Variants in SYNE1 observed in about 807,000 individuals in gnomAD.
SYNE1 encodes spectrin repeat containing nuclear envelope protein 1, also known as nesprin-1.
A neutral mutation model predicts 1,111.0 loss-of-function variants in SYNE1; 616 were observed. The observed-to-expected ratio is 0.55, with a 90% CI of 0.52 to 0.59. The LOEUF is 0.59. Among genes scored for constraint, SYNE1 ranks in the 20% least tolerant of loss-of-function variants. The pLI, the probability that SYNE1 is intolerant of heterozygous loss-of-function variation, is 0.00. For synonymous variants in SYNE1, 3,855 were observed against 3,825.8 expected (o/e 1.01, Z -0.28); for missense variants, 10,006 against 10,417.0 (o/e 0.96, Z 1.72).
intron 3 of SYNE1, among the ~76,000 whole-genome samples, chr6:152,593,006 G>A (rs2099571331): frequency 6.6e-6 from 1 of 152,148 alleles, no homozygotes; most frequent in African/African-American, 2.4e-5. Flanking sequence ...ACTAGAATAT[G>A]TAGGTATTTA....
intron 11 of SYNE1, among the ~76,000 whole-genome samples, chr6:152,489,913 G>C (rs1040293914): frequency 2.6e-5 from 4 of 152,150 alleles, no homozygotes; most frequent in African/African-American, 9.7e-5. Flanking sequence ...GTATGTCTAA[G>C]TTCCCAGGTG....
chr6:152,413,455 T>C lies in SYNE1; in HGVS notation c.6127A>G (p.Lys2043Glu). ...GCTACATCTTTCTGGGCAATTTGCT[T>C]GGCTTTGTCTTTCAACCAACATAGT... The part of the protein sequence containing the change: ...HELCWLKDKA[K>E]QIAQKDVAFA... Residue 2043 changes from lysine (K) to glutamate (E), a missense_variant, in exon 42 of 146, where the codon AAG becomes GAG. Physicochemically the swap from Lys to Glu is moderately conservative, Grantham distance 56. This residue lies in a region of SYNE1 where 4,955 missense variants were observed against 5,017.2 expected (regional missense o/e 0.99). Transcript: ENST00000367255. 6.2e-7 allele frequency: 1 copy of C among 1,614,190 alleles called. No homozygotes were observed. The highest frequency in any genetic ancestry group is 8.5e-7 in the Non-Finnish European group (1 of 1,180,026).
At chr6:152,511,715 G>A (rs1182639021) in intron 6 of SYNE1, 3 of 984,296 alleles carry the variant, frequency 3.0e-6, no homozygotes, top group Non-Finnish European at 4.7e-6. Flanking sequence ...GTGGTAATAC[G>A]TTTTAAAGAA....
chr6:152,627,058 G>A (rs1295317960), intron 3 of SYNE1, among the ~76,000 whole-genome samples: 1 of 152,162 alleles, frequency 6.6e-6, no homozygotes, highest in Non-Finnish European at 1.5e-5. Flanking sequence ...ATAACATTAT[G>A]TTTAAGCTTT....
At chr6:152,491,284 G>A (rs968550183) in intron 11 of SYNE1, among the ~76,000 whole-genome samples, 19 of 152,138 alleles carry the variant, frequency 1.2e-4, no homozygotes, top group East Asian at 7.8e-4. Context: ...CTGTGGGGAC[G>A]CCTGCCTTGG....
intron 95 of SYNE1, among the ~76,000 whole-genome samples, chr6:152,286,068 A>C (rs2094310692): frequency 1.3e-5 from 2 of 152,230 alleles, no homozygotes; most frequent in Admixed American, 1.3e-4. Context: ...GTGCCTCCTC[A>C]GAGTGGGCTC....
Position 152,427,958 on chromosome 6 carries a change from A to T in SYNE1, c.4977-142T>A, listed in dbSNP as rs940112776. On this transcript the variant is annotated intron_variant, in intron 37 of 145. Transcript: ENST00000367255. ...CAGTCTTAGATATGCCAGCACAAAA[A>T]TCCCTCCTTTTATTTTCATTTGTGT... 1.0e-5 allele frequency: 13 copies of T among 1,284,926 alleles called. No homozygotes were observed. The East Asian group carries it at 2.9e-4, about 29-fold the overall frequency. The allele number at this position is 1,284,926 out of a possible 1,614,324, so 79.6% of individuals were successfully genotyped here.
intron 22 of SYNE1, among the ~76,000 whole-genome samples, chr6:152,457,265 A>G (rs1277340481): frequency 6.6e-6 from 1 of 152,184 alleles, no homozygotes; most frequent in East Asian, 1.9e-4. Flanking sequence ...ACACTCAGGT[A>G]TTGTAGCCTT....
At position 152,143,753 on chromosome 6, in the gene SYNE1, G is replaced by C. The variant is rs1441430017; in HGVS notation, c.24989C>G (p.Ala8330Gly). The C allele has an allele frequency of 6.2e-7, 1 of 1,614,176 alleles. No homozygotes were observed. The highest frequency in any genetic ancestry group is 1.3e-5 in the African/African-American group (1 of 75,050). ...GAVGLSGDHS[A>G]LESQIRQLGK... Reference sequence around the variant, plus strand: ...CAGTTGTCGGATCTGTGACTCTAGGGCACTGTGGTCCCCTGCGGTGGCAAC... The same window carrying C: ...CAGTTGTCGGATCTGTGACTCTAGGCCACTGTGGTCCCCTGCGGTGGCAAC... Residue 8330 changes from alanine to glycine, a missense_variant, in exon 138 of 146, where the codon GCC (alanine) becomes GGC (glycine). By Grantham distance (60) the Ala-to-Gly change is moderately conservative (BLOSUM62 0). Coordinates refer to ENST00000367255, the MANE Select transcript of SYNE1 (RefSeq NM_182961.4).
In SYNE1 at chr6:152,253,817, GGT is replaced by G. The variant is rs2090039890; in HGVS notation, c.19470+1061_19470+1062del. ...ATGCTACATTTATGTGTAGTGGTTT[GGT>G]TTTTTTTTTTTTTTTTTTTTTTTTT... On this transcript the variant is annotated intron_variant, in intron 104 of 145. Transcript: ENST00000367255. Among the ~76,000 whole-genome samples the G allele has an allele frequency of 1.1e-3, 63 of 59,152 alleles. 19 individuals are homozygous for G. The highest frequency in any genetic ancestry group is 2.0e-3 in the Admixed American group (8 of 4,008). The allele number at this position is 59,152 out of a possible 152,430, so 38.8% of individuals were successfully genotyped here. A position where few individuals can be genotyped will look rare whatever the true frequency, so the allele number is the denominator to read the frequency against.
chr6:152,252,196 C>T (rs941767417), intron 104 of SYNE1, among the ~76,000 whole-genome samples: 2 of 151,896 alleles, frequency 1.3e-5, no homozygotes, highest in African/African-American at 2.4e-5. Flanking sequence ...TGTTTGAACA[C>T]GGGAGGCAGA....
At chr6:152,286,499 G>A (rs2094336283) in intron 95 of SYNE1, among the ~76,000 whole-genome samples, 1 of 152,174 alleles carries the variant, frequency 6.6e-6, no homozygotes, top group Non-Finnish European at 1.5e-5. Context: ...CTGTCGCCTG[G>A]TTGTGAATTG....
At chr6:152,364,354 C>A (rs969775576) in intron 63 of SYNE1, among the ~76,000 whole-genome samples, 1 of 152,114 alleles carries the variant, frequency 6.6e-6, no homozygotes. Flanking sequence ...TGCCCTCCCC[C>A]TGCCTGCCAT....
rs764885262 is a variant in SYNE1 at position 152,242,247 on chromosome 6, T to G, written c.19886A>C (p.Lys6629Thr). 3 of 1,613,862 alleles carry G rather than the reference T, an allele frequency of 1.9e-6. No homozygotes were observed. In the Admixed American group the frequency reaches 5.0e-5, roughly 27 times the overall value. Residue 6629 changes from lysine to threonine, a missense_variant, in exon 107 of 146, where the codon AAA becomes ACA. Lys to Thr is a moderately conservative substitution (Grantham distance 78, BLOSUM62 -1). Around this residue, in one of 7 missense-constraint regions of SYNE1, gnomAD observed 2,182 missense variants for 2,287.8 expected, o/e 0.95. Transcript: ENST00000367255. Reference sequence around the variant, plus strand: ...CTCTTTTTTGTTATGTACCTTATGTTTGTCAAGTAGTTGCTGGATTTCCTC... The same window carrying G: ...CTCTTTTTTGTTATGTACCTTATGTGTGTCAAGTAGTTGCTGGATTTCCTC... ...SKEEIQQLLD[K>T]HKEYFQGLES... is the part of the protein sequence containing the mutation.
At chr6:152,555,617 T>C (rs2128178761) in intron 3 of SYNE1, among the ~76,000 whole-genome samples, 1 of 152,304 alleles carries the variant, frequency 6.6e-6, no homozygotes, top group East Asian at 1.9e-4. Flanking sequence ...AGTATATGTT[T>C]AAGCAAGTAT....
chr6:152,361,997 T>C (rs1020088724), intron 64 of SYNE1, among the ~76,000 whole-genome samples, 173 bp downstream of exon 64: 2 of 152,170 alleles, frequency 1.3e-5, no homozygotes, highest in African/African-American at 4.8e-5. Flanking sequence ...ACTAATAAAG[T>C]AATCACAAAT....
chr6:152,302,187 G>A (rs545369714), intron 91 of SYNE1, 124 bp from the exon 92 acceptor site: 319 of 1,314,248 alleles, frequency 2.4e-4, no homozygotes, highest in Admixed American at 1.0e-3. Flanking sequence ...CGGGAGGCAG[G>A]ATGTGTAGGC....
intron 121 of SYNE1, among the ~76,000 whole-genome samples, chr6:152,216,954 T>C (rs954774920): frequency 3.3e-5 from 5 of 151,730 alleles, no homozygotes; most frequent in Admixed American, 3.3e-4. Flanking sequence ...TCCCAGCTAT[T>C]TGGGAGGCTG....
chr6:152,284,298 T>C (rs1398472716), intron 95 of SYNE1, 126 bp from the exon 96 acceptor site: 6 of 995,580 alleles, frequency 6.0e-6, no homozygotes, highest in Non-Finnish European at 6.1e-6. Context: ...CATTAATCAA[T>C]CAACAAATAG....
Sources: gnomAD v4.1 joint callset for allele counts (sites outside exome capture counted in the v4.1 genomes callset) on GRCh38, gnomAD v4.1.1 for gene constraint, gnomAD v4.1.1 regional missense constraint, MANE v1.5 for transcripts, NCBI Gene and HGNC (gene_info 2026-07-23, HGNC 2026-07-21) for gene names.